NYNRIN: variants seen among roughly 807,000 people sequenced by gnomAD.
NYNRIN encodes protein NYNRIN.
A neutral mutation model predicts 146.6 loss-of-function variants in NYNRIN; 86 were observed. The observed-to-expected ratio is 0.59, with a 90% confidence interval of 0.49 to 0.70. The LOEUF (loss-of-function observed/expected upper bound fraction) is 0.70, where lower values mean the gene tolerates loss of function less well. NYNRIN is among the 30% of genes least tolerant of loss of function. The pLI is 0.00. For missense variants in NYNRIN, 2,191 were observed against 2,377.7 expected (o/e 0.92, Z 1.63); for synonymous variants, 1,027 against 1,001.3 (o/e 1.03, Z -0.48).
At chr14:24,406,185 G>A (rs1323343097) in intron 2 of NYNRIN, among the ~76,000 whole-genome samples, 3 of 101,382 alleles carry the variant, frequency 3.0e-5, no homozygotes, top group African/African-American at 9.3e-5. Flanking sequence ...GGGTGACAGA[G>A]TGAGACTCTG....
In NYNRIN at chr14:24,416,626, C is replaced by T. The variant is rs1341645747; in HGVS notation, c.4877C>T (p.Thr1626Ile). The change falls in exon 9 of 9, where the codon ACC (threonine) becomes ATC (isoleucine). Residue 1626 changes from threonine (T) to isoleucine (I), a missense_variant. Physicochemically the swap from Thr to Ile is moderately conservative, Grantham distance 89. Around this residue, in one of 3 missense-constraint regions of NYNRIN, gnomAD observed 1,291 missense variants for 1,417.0 expected, o/e 0.91. Transcript: ENST00000382554. ...CAGATCGAGGTGGTGGGCCCGGTCA[C>T]CATAAGTGAGGAGGGCCATAAGCAT... is the stretch of plus-strand genomic sequence containing the variant. ...NLQIEVVGPV[T>I]ISEEGHKHVL... 2.5e-6 allele frequency: 4 copies of T among 1,613,956 alleles called. No individual in the cohort carries two copies. The highest frequency in any genetic ancestry group is 3.4e-6 in the Non-Finnish European group (4 of 1,179,882).
Position 24,399,134 on chromosome 14 carries a change from CG to C in NYNRIN, c.-18+52del, listed in dbSNP as rs1048269180. 2.8e-5 allele frequency: 28 copies of C among 983,420 alleles called. No individual in the cohort carries two copies. In the African/African-American group the frequency reaches 4.6e-4, roughly 16 times the overall value. 60.9% of individuals were successfully genotyped at this position (983,420 alleles called of 1,614,324 possible). On this transcript the variant is annotated intron_variant, in intron 1 of 8. Transcript: ENST00000382554. ...AGGAGGCCGTGCGGGGGGCGCGCCG[CG>C]GGGAGGAGGGGGCGTGGCTTAGGCG... is the stretch of plus-strand genomic sequence containing the variant.
Position 24,417,438 on chromosome 14 carries a change from G to A in NYNRIN, c.5689G>A (p.Glu1897Lys), listed in dbSNP as rs2042955827. Residue 1897 changes from glutamate (E) to lysine (K), a missense_variant, in exon 9 of 9, where the codon GAG becomes AAG. Glu to Lys is a moderately conservative substitution (Grantham distance 56, BLOSUM62 1). Coordinates refer to ENST00000382554, the MANE Select transcript of NYNRIN (RefSeq NM_025081.3). ...SGTPLSFKVL[E>K]Q is the part of the protein sequence containing the mutation. ...CACCCCGCTGTCCTTCAAGGTCTTG[G>A]AGCAGTGAGCGGGAGCAGCGGGGGT... 1 of 1,487,436 alleles carries A rather than the reference G, an allele frequency of 6.7e-7. No individual in the cohort carries two copies. Among genetic ancestry groups the A allele is most frequent in the Non-Finnish European group, 8.9e-7 (1 of 1,117,442 alleles). 92.1% of individuals were successfully genotyped at this position (1,487,436 alleles called of 1,614,324 possible). A position where few individuals can be genotyped will look rare whatever the true frequency, so the allele number is the denominator to read the frequency against.
In NYNRIN at chr14:24,410,827, C is replaced by T. The variant is rs563275982; in HGVS notation, c.2415-249C>T. Among the ~76,000 whole-genome samples, 39 of 152,334 alleles carry T rather than the reference C, an allele frequency of 2.6e-4. No individual in the cohort carries two copies. The South Asian group carries it at 3.3e-3, about 13-fold the overall frequency. ...GAGGGGCTGCCTTCTTCCTCTTGCCCTCAATGTCCCTACACACATGCGTAC... is the reference window on the plus strand; with the variant it reads ...GAGGGGCTGCCTTCTTCCTCTTGCCTTCAATGTCCCTACACACATGCGTAC... On this transcript the variant is annotated intron_variant, in intron 4 of 8. Coordinates refer to ENST00000382554, the MANE Select transcript of NYNRIN (RefSeq NM_025081.3).
intron 7 of NYNRIN, 65 bp downstream of exon 7, chr14:24,413,163 G>A (rs542251284): frequency 5.5e-4 from 771 of 1,395,926 alleles, no homozygotes; most frequent in Non-Finnish European, 7.5e-4. Flanking sequence ...CCCTGGCATG[G>A]GAGGGATTAG....
chr14:24,417,363 C>G lies in NYNRIN; in HGVS notation c.5614C>G (p.Leu1872Val). The G allele has an allele frequency of 6.3e-7, 1 of 1,595,352 alleles. No homozygotes were observed. Among genetic ancestry groups the G allele is most frequent in the Non-Finnish European group, 8.5e-7 (1 of 1,169,618 alleles). ...RIWGFPTPEKLGCIYPSSLMK... is the reference protein window; with the variant it reads ...RIWGFPTPEKVGCIYPSSLMK... ...ATGGGGCTTCCCAACCCCAGAGAAG[C>G]TGGGGTGCATCTATCCCAGCAGTCT... The change falls in exon 9 of 9, where the codon CTG (leucine) becomes GTG (valine). Residue 1872 changes from leucine to valine, a missense_variant. By Grantham distance (32) the Leu-to-Val change is conservative (BLOSUM62 1). Transcript: ENST00000382554.
chr14:24,400,859 C>T (rs2042838018), intron 2 of NYNRIN, among the ~76,000 whole-genome samples: 1 of 151,378 alleles, frequency 6.6e-6, no homozygotes, highest in Non-Finnish European at 1.5e-5. Flanking sequence ...TCTTGGCTCA[C>T]TGCAGCCTCC....
In NYNRIN at chr14:24,411,250, C is replaced by G; in HGVS notation, c.2545+44C>G. The G allele has an allele frequency of 6.2e-7, 1 of 1,611,442 alleles. No individual in the cohort carries two copies. Among genetic ancestry groups the G allele is most frequent in the Non-Finnish European group, 8.5e-7 (1 of 1,178,758 alleles). ...GCCCAGCCTCCACAGTGTCACCAAG[C>G]TTTCTTCTCTCTGCCTTGCTGCCCC... On this transcript the variant is annotated intron_variant, in intron 5 of 8. Coordinates refer to ENST00000382554, the MANE Select transcript of NYNRIN (RefSeq NM_025081.3). The surrounding 1 kb of genome is among the most constrained non-coding windows in gnomAD (Gnocchi z 4.3).
intron 2 of NYNRIN, among the ~76,000 whole-genome samples, chr14:24,407,363 A>G (rs948340259): frequency 6.6e-6 from 1 of 152,200 alleles, no homozygotes; most frequent in African/African-American, 2.4e-5. Context: ...AACTGCAGGC[A>G]CGGGGGCAGG....
chr14:24,413,000 C>A lies in NYNRIN; in HGVS notation c.2646C>A (p.Phe882Leu). The A allele has an allele frequency of 1.9e-6, 3 of 1,592,614 alleles. No homozygotes were observed. The highest frequency in any genetic ancestry group is 2.3e-5 in the South Asian group (2 of 87,122). ...GTGACTTCCCCTCTCCCTGCAGGTT[C>A]ATGGTAAAGCTGGCAGAGGAGACAG... ...GKKITTYDYRFMVKLAEETDG... is the reference protein window; with the variant it reads ...GKKITTYDYRLMVKLAEETDG... The change falls in exon 7 of 9, where the codon TTC becomes TTA. Residue 882 changes from phenylalanine to leucine, a missense_variant. Phe to Leu is a conservative substitution (Grantham distance 22, BLOSUM62 0). This residue lies in a region of NYNRIN where 1,291 missense variants were observed against 1,417.0 expected (regional missense o/e 0.91). Transcript: ENST00000382554.
intron 2 of NYNRIN, among the ~76,000 whole-genome samples, chr14:24,405,038 GTGTGTGTGAATGTGTGTGAA>G (rs564689682): frequency 8.5e-4 from 126 of 149,050 alleles, no homozygotes; most frequent in African/African-American, 3.0e-3. Flanking sequence ...GAGAGAATGT[GTGTGTGTGAATGTGTGTGAA>G]TGTGTGTGAA....
At position 24,417,702 on chromosome 14, in the gene NYNRIN, T is replaced by G; in HGVS notation, c.*256T>G. The G allele has an allele frequency of 2.2e-6, 1 of 462,752 alleles. No homozygotes were observed. The highest frequency in any genetic ancestry group is 3.8e-6 in the Non-Finnish European group (1 of 265,832). The allele number at this position is 462,752 out of a possible 1,614,324, so 28.7% of individuals were successfully genotyped here. Reference sequence around the variant, plus strand: ...TCCCTGGCAGTTTTACACTGGGAAATGGAGTGCTCCTCTAGGCTATACCAG... The same window carrying G: ...TCCCTGGCAGTTTTACACTGGGAAAGGGAGTGCTCCTCTAGGCTATACCAG... On this transcript the variant is annotated 3_prime_UTR_variant, in exon 9 of 9. Coordinates refer to ENST00000382554, the MANE Select transcript of NYNRIN (RefSeq NM_025081.3).
At chr14:24,401,496 C>G (rs184493373) in intron 2 of NYNRIN, among the ~76,000 whole-genome samples, 46 of 152,124 alleles carry the variant, frequency 3.0e-4, no homozygotes, top group Middle Eastern at 3.4e-3. Context: ...TATGCTGTCA[C>G]CAAGTTACAA....
rs759198850 is a variant in NYNRIN, at chr14:24,415,245, G to A, written c.3496G>A (p.Val1166Met). The change falls in exon 9 of 9, where the codon GTG (valine) becomes ATG (methionine). Residue 1166 changes from valine to methionine, a missense_variant. Val to Met is a conservative substitution (Grantham distance 21). Transcript: ENST00000382554. ...GCTGCCCTTCCGCCTGGAGGTGACC[G>A]TGAGCCACGTGGCCCTGACGGCCAT... ...SQLPFRLEVT[V>M]SHVALTAILH... 3.5e-5 allele frequency: 56 copies of A among 1,613,458 alleles called. No homozygotes were observed. Among genetic ancestry groups the A allele is most frequent in the Non-Finnish European group, 4.5e-5 (53 of 1,179,884 alleles).
Position 24,409,003 on chromosome 14 carries a change from G to A in NYNRIN, c.1209G>A (p.Lys403=), listed in dbSNP as rs374202114. ...GACCTCTGGGCCCCATTCAGTTGAA[G>A]CTGCCAGGGCAGAATCCTTTGCCCT... ...WQRPLGPIQL[K]LPGQNPLPLN... The change falls in exon 4 of 9, where the codon AAG becomes AAA. Residue 403 remains lysine (K), a synonymous_variant. Coordinates refer to ENST00000382554, the MANE Select transcript of NYNRIN (RefSeq NM_025081.3). 20 of 1,613,548 alleles carry A rather than the reference G, an allele frequency of 1.2e-5. No homozygotes were observed. Among genetic ancestry groups the A allele is most frequent in the Admixed American group, 1.0e-4 (6 of 59,982 alleles).
intron 1 of NYNRIN, 34 bp downstream of exon 1, chr14:24,399,120 C>CG (rs992619777): frequency 1.0e-5 from 9 of 866,320 alleles, no homozygotes; most frequent in African/African-American, 3.6e-5. Context: ...GGAGGCCGTG[C>CG]GGGGGGCGCG....
In NYNRIN at chr14:24,411,064, A is replaced by G; in HGVS notation, c.2415-12A>G. 6.2e-7 allele frequency: 1 copy of G among 1,613,352 alleles called. No individual in the cohort carries two copies. The highest frequency in any genetic ancestry group is 8.5e-7 in the Non-Finnish European group (1 of 1,179,776). ...GTGAGGCAGGGTCTTTCCTTGTCCC[A>G]CGACCCCACAGGCATGGCCTGCAGC... On this transcript the variant is annotated splice_polypyrimidine_tract_variant and intron_variant, in intron 4 of 8. Transcript: ENST00000382554. The surrounding 1 kb of genome is among the most constrained non-coding windows in gnomAD (Gnocchi z 4.3).
chr14:24,415,093 T>G lies in NYNRIN; in HGVS notation c.3344T>G (p.Val1115Gly). 6.8e-6 allele frequency: 11 copies of G among 1,610,226 alleles called. No homozygotes were observed. The highest frequency in any genetic ancestry group is 9.3e-6 in the Non-Finnish European group (11 of 1,179,722). ...RDAIPDYEAL[V>G]GPLHSLLKQK... ...GCCATCCCTGACTATGAAGCCCTAG[T>G]GGGCCCCCTGCACAGCCTCCTCAAG... Residue 1115 changes from valine (V) to glycine (G), a missense_variant, in exon 9 of 9, where the codon GTG (valine) becomes GGG (glycine). By Grantham distance (109) the Val-to-Gly change is moderately radical. This residue lies in a region of NYNRIN where 1,291 missense variants were observed against 1,417.0 expected (regional missense o/e 0.91). Coordinates refer to ENST00000382554, the MANE Select transcript of NYNRIN (RefSeq NM_025081.3).
Position 24,415,838 on chromosome 14 carries a change from G to A in NYNRIN, c.4089G>A (p.Glu1363=). The change falls in exon 9 of 9, where the codon GAG becomes GAA. Residue 1363 remains glutamate, a synonymous_variant. Transcript: ENST00000382554. Reference sequence around the variant, plus strand: ...TGGCAGCCGTGGCCTGCGGCCTGGAGCGCTTTGGCCAGTCCCCACTCCCAG... The same window carrying A: ...TGGCAGCCGTGGCCTGCGGCCTGGAACGCTTTGGCCAGTCCCCACTCCCAG... ...AHLAAVACGL[E]RFGQSPLPVV... The A allele has an allele frequency of 6.2e-7, 1 of 1,613,980 alleles. No individual in the cohort carries two copies. The highest frequency in any genetic ancestry group is 8.5e-7 in the Non-Finnish European group (1 of 1,179,894).
Sources: gnomAD v4.1 joint callset for allele counts (sites outside exome capture counted in the v4.1 genomes callset) on GRCh38, gnomAD v4.1.1 for gene constraint, gnomAD v4.1.1 regional missense constraint, Gnocchi (gnomAD v3.1) non-coding constraint, MANE v1.5 for transcripts, NCBI Gene and HGNC (gene_info 2026-07-23, HGNC 2026-07-21) for gene names.